Variants in KRTAP2-3 observed in about 807,000 individuals in gnomAD.
KRTAP2-3 encodes the protein keratin-associated protein 2-3.
A neutral mutation model predicts 11.2 loss-of-function variants in KRTAP2-3; 9 were observed. The observed-to-expected ratio is 0.80, with a 90% confidence interval of 0.48 to 1.40. KRTAP2-3 has a LOEUF of 1.40. Among genes scored for constraint, KRTAP2-3 ranks in the 40% most tolerant of loss-of-function variants. The probability of loss-of-function intolerance (pLI) is 0.00; values close to 1 mark genes in which losing one functional copy is unlikely to be tolerated. For synonymous variants in KRTAP2-3, 45 were observed against 76.2 expected, an observed-to-expected ratio of 0.59 and a Z score of 2.13; for missense variants, 93 against 176.8, an observed-to-expected ratio of 0.53 and a Z score of 2.69.
At position 41,059,698 on chromosome 17, in the gene KRTAP2-3, G is replaced by C; in HGVS notation, c.353C>G (p.Pro118Arg). The change falls in exon 1 of 1, where the codon CCT (proline) becomes CGT (arginine). Residue 118 changes from proline (P) to arginine (R), a missense_variant. Pro to Arg is a moderately radical substitution (Grantham distance 103). Transcript: ENST00000391418. The stretch of plus-strand genomic sequence containing the variant: ...GGAGGTCCTGCAGGTGGTGCTGCAA[G>C]GGGTCGGCTGGCCGCAGGGAGGCCG... ...CCRPPCGQPT[P>R]CSTTCRTSSC 6.4e-7 allele frequency: 1 copy of C among 1,558,208 alleles called. No individual in the cohort carries two copies. Among genetic ancestry groups the C allele is most frequent in the Non-Finnish European group, 8.7e-7 (1 of 1,150,644 alleles).
Position 41,059,865 on chromosome 17 carries a change from C to T in KRTAP2-3, c.186G>A (p.Val62=), listed in dbSNP as rs1337272854. ...CCTGCAGGGAGCAGGGGTCGCAGCA[C>T]ACCGGGCGGCGGCAGGGCTCGCAGA... ...RPICEPCRRP[V]CCDPCSLQEG... is the part of the protein sequence containing the mutation. Residue 62 remains valine, a synonymous_variant, in exon 1 of 1, where the codon GTG becomes GTA. Coordinates refer to ENST00000391418, the MANE Select transcript of KRTAP2-3 (RefSeq NM_001165252.2). 2.0e-6 allele frequency: 3 copies of T among 1,519,124 alleles called. No homozygotes were observed. The highest frequency in any genetic ancestry group is 4.0e-5 in the Admixed American group (2 of 50,138). The allele number at this position is 1,519,124 out of a possible 1,614,324, so 94.1% of individuals were successfully genotyped here.
At position 41,059,853 on chromosome 17, in the gene KRTAP2-3, G is replaced by A. The variant is rs2013148755; in HGVS notation, c.198C>T (p.Pro66=). 6.6e-7 allele frequency: 1 copy of A among 1,525,594 alleles called. No homozygotes were observed. The highest frequency in any genetic ancestry group is 8.8e-7 in the Non-Finnish European group (1 of 1,139,050). The allele number at this position is 1,525,594 out of a possible 1,614,324, so 94.5% of individuals were successfully genotyped here. ...GGCAGCAGCCTTCCTGCAGGGAGCA[G>A]GGGTCGCAGCACACCGGGCGGCGGC... ...EPCRRPVCCD[P]CSLQEGCCRP... The change falls in exon 1 of 1, where the codon CCC becomes CCT. Residue 66 remains proline, a synonymous_variant. Coordinates refer to ENST00000391418, the MANE Select transcript of KRTAP2-3 (RefSeq NM_001165252.2).
At position 41,060,011 on chromosome 17, in the gene KRTAP2-3, T is replaced by C; in HGVS notation, c.40A>G (p.Ser14Gly). The change falls in exon 1 of 1, where the codon AGC becomes GGC. Residue 14 changes from serine to glycine, a missense_variant. By Grantham distance (56) the Ser-to-Gly change is moderately conservative. Coordinates refer to ENST00000391418, the MANE Select transcript of KRTAP2-3 (RefSeq NM_001165252.2). ...SCCGSTLSSL[S>G]YGGGCCQPCC... ...GGCTGGCAGCAGCCTCCCCCGTAGC[T>C]CAGGGAGGACAAGGTGGAGCCGCAG... 7.2e-6 allele frequency: 11 copies of C among 1,533,194 alleles called. No homozygotes were observed. The highest frequency in any genetic ancestry group is 8.7e-6 in the Non-Finnish European group (10 of 1,144,044). 95.0% of individuals were successfully genotyped at this position (1,533,194 alleles called of 1,614,324 possible).
In KRTAP2-3 at chr17:41,060,041, A is replaced by G. The variant is rs1181657188; in HGVS notation, c.10T>C (p.Ser4Pro). 8 of 1,534,258 alleles carry G rather than the reference A, an allele frequency of 5.2e-6. No individual in the cohort carries two copies. Among genetic ancestry groups the G allele is most frequent in the Middle Eastern group, 2.3e-4 (1 of 4,352 alleles). ...GAGGACAAGGTGGAGCCGCAGCAGG[A>G]GCCGGTCATGGTGGTGTCTGAGGCT... MTG[S>P]CCGSTLSSLS... The change falls in exon 1 of 1, where the codon TCC becomes CCC. Residue 4 changes from serine (S) to proline (P), a missense_variant. Physicochemically the swap from Ser to Pro is moderately conservative, Grantham distance 74 (BLOSUM62 -1). Transcript: ENST00000391418.
chr17:41,059,490 T>G lies in KRTAP2-3; in HGVS notation c.*174A>C. The G allele has an allele frequency of 7.1e-6, 8 of 1,130,364 alleles. No homozygotes were observed. The highest frequency in any genetic ancestry group is 9.6e-6 in the Non-Finnish European group (8 of 829,346). 70.0% of individuals were successfully genotyped at this position (1,130,364 alleles called of 1,614,324 possible). A position where few individuals can be genotyped will look rare whatever the true frequency, so the allele number is the denominator to read the frequency against. ...TCAAGATTGTCAGAGAGGGCCAGGA[T>G]TAGCTGCATAATTATGTGGGGAAAT... is the stretch of plus-strand genomic sequence containing the variant. On this transcript the variant is annotated 3_prime_UTR_variant, in exon 1 of 1. Transcript: ENST00000391418.
Position 41,059,774 on chromosome 17 carries a change from A to C in KRTAP2-3, c.277T>G (p.Cys93Gly), listed in dbSNP as rs1567923833. 2 of 1,547,048 alleles carry C rather than the reference A, an allele frequency of 1.3e-6. No homozygotes were observed. The highest frequency in any genetic ancestry group is 3.9e-5 in the Admixed American group (2 of 50,880). The change falls in exon 1 of 1, where the codon TGC (cysteine) becomes GGC (glycine). Residue 93 changes from cysteine to glycine, a missense_variant. Cys to Gly is a radical substitution (Grantham distance 159). Coordinates refer to ENST00000391418, the MANE Select transcript of KRTAP2-3 (RefSeq NM_001165252.2). The stretch of plus-strand genomic sequence containing the variant: ...GGCTGGCAGCAGGTGGTGGCCCAGC[A>C]GCAGGGCCTGCACACCACAGCCGTG... ...SCTAVVCRPC[C>G]WATTCCQPVS... is the part of the protein sequence containing the mutation.
At position 41,059,848 on chromosome 17, in the gene KRTAP2-3, G is replaced by C; in HGVS notation, c.203C>G (p.Ser68Cys). 1 of 1,526,608 alleles carries C rather than the reference G, an allele frequency of 6.6e-7. No homozygotes were observed. Among genetic ancestry groups the C allele is most frequent in the Non-Finnish European group, 8.8e-7 (1 of 1,139,338 alleles). 94.6% of individuals were successfully genotyped at this position (1,526,608 alleles called of 1,614,324 possible). The change falls in exon 1 of 1, where the codon TCC becomes TGC. Residue 68 changes from serine (S) to cysteine (C), a missense_variant. Ser to Cys is a moderately radical substitution (Grantham distance 112). Coordinates refer to ENST00000391418, the MANE Select transcript of KRTAP2-3 (RefSeq NM_001165252.2). The part of the protein sequence containing the change: ...CRRPVCCDPC[S>C]LQEGCCRPIT... ...GGGGCGGCAGCAGCCTTCCTGCAGGGAGCAGGGGTCGCAGCACACCGGGCG... is the reference window on the plus strand; with the variant it reads ...GGGGCGGCAGCAGCCTTCCTGCAGGCAGCAGGGGTCGCAGCACACCGGGCG...
rs183923724 is a variant in KRTAP2-3, at chr17:41,059,659, G to A, written c.*5C>T. ...GTTTCGTGCGTTGAGAGGAGAGGTG[G>A]GGTCTCAGCAGGAGGAGGTCCTGCA... On this transcript the variant is annotated 3_prime_UTR_variant, in exon 1 of 1. Transcript: ENST00000391418. The A allele has an allele frequency of 6.4e-7, 1 of 1,553,144 alleles. No homozygotes were observed. Among genetic ancestry groups the A allele is most frequent in the Non-Finnish European group, 8.7e-7 (1 of 1,147,748 alleles).
At position 41,059,914 on chromosome 17, in the gene KRTAP2-3, C is replaced by A. The variant is rs909944156; in HGVS notation, c.137G>T (p.Cys46Phe). The A allele has an allele frequency of 8.5e-5, 128 of 1,505,434 alleles. 1 individual carries two copies. The highest frequency in any genetic ancestry group is 1.1e-4 in the Non-Finnish European group (127 of 1,130,428). 93.3% of individuals were successfully genotyped at this position (1,505,434 alleles called of 1,614,324 possible). A position where few individuals can be genotyped will look rare whatever the true frequency, so the allele number is the denominator to read the frequency against. ...CQTTVCRPVT[C>F]VPRCTRPICE... ...GATGGGGCGCGTGCAGCGGGGCACGCAGGTCACGGGGCGGCACACGGTGGT... is the reference window on the plus strand; with the variant it reads ...GATGGGGCGCGTGCAGCGGGGCACGAAGGTCACGGGGCGGCACACGGTGGT... Residue 46 changes from cysteine (C) to phenylalanine (F), a missense_variant, in exon 1 of 1, where the codon TGC becomes TTC. Coordinates refer to ENST00000391418, the MANE Select transcript of KRTAP2-3 (RefSeq NM_001165252.2).
In KRTAP2-3 at chr17:41,059,613, A is replaced by C; in HGVS notation, c.*51T>G. ...CAGAAGGGGTAGAAGAGTCTGCACA[A>C]GCTTCTGTGCACCTGGGAATGTTTC... On this transcript the variant is annotated 3_prime_UTR_variant, in exon 1 of 1. Transcript: ENST00000391418. 1 of 1,542,392 alleles carries C rather than the reference A, an allele frequency of 6.5e-7. No homozygotes were observed. The highest frequency in any genetic ancestry group is 8.8e-7 in the Non-Finnish European group (1 of 1,141,370).
rs1335167594 is a variant in KRTAP2-3 at position 41,059,618 on chromosome 17, C to T, written c.*46G>A. 2 of 1,544,930 alleles carry T rather than the reference C, an allele frequency of 1.3e-6. No individual in the cohort carries two copies. The highest frequency in any genetic ancestry group is 2.4e-5 in the East Asian group (1 of 40,822). On this transcript the variant is annotated 3_prime_UTR_variant, in exon 1 of 1. Transcript: ENST00000391418. ...GGGGTAGAAGAGTCTGCACAAGCTT[C>T]TGTGCACCTGGGAATGTTTCGTGCG...
rs1442430366 is a variant in KRTAP2-3 at position 41,059,838 on chromosome 17, T to C, written c.213A>G (p.Glu71=). ...AGCAGGTGATGGGGCGGCAGCAGCC[T>C]TCCTGCAGGGAGCAGGGGTCGCAGC... ...PVCCDPCSLQ[E]GCCRPITCCP... The change falls in exon 1 of 1, where the codon GAA becomes GAG. Residue 71 remains glutamate, a synonymous_variant. Coordinates refer to ENST00000391418, the MANE Select transcript of KRTAP2-3 (RefSeq NM_001165252.2). 1.3e-5 allele frequency: 20 copies of C among 1,531,076 alleles called. No homozygotes were observed. In the East Asian group the frequency reaches 4.7e-4, roughly 36 times the overall value. The allele number at this position is 1,531,076 out of a possible 1,614,324, so 94.8% of individuals were successfully genotyped here.
chr17:41,059,528 A>G lies in KRTAP2-3; in HGVS notation c.*136T>C. On this transcript the variant is annotated 3_prime_UTR_variant, in exon 1 of 1. Coordinates refer to ENST00000391418, the MANE Select transcript of KRTAP2-3 (RefSeq NM_001165252.2). ...TATGTGGGGAAATAGATAGGATGTT[A>G]TTGTTGAATTCGTGCTTGAGGATCA... is the stretch of plus-strand genomic sequence containing the variant. 7.4e-7 allele frequency: 1 copy of G among 1,356,972 alleles called. No homozygotes were observed. Among genetic ancestry groups the G allele is most frequent in the East Asian group, 2.6e-5 (1 of 39,012 alleles). 84.1% of individuals were successfully genotyped at this position (1,356,972 alleles called of 1,614,324 possible).
Position 41,059,627 on chromosome 17 carries a change from T to C in KRTAP2-3, c.*37A>G. On this transcript the variant is annotated 3_prime_UTR_variant, in exon 1 of 1. Transcript: ENST00000391418. ...GAGTCTGCACAAGCTTCTGTGCACC[T>C]GGGAATGTTTCGTGCGTTGAGAGGA... 6.5e-7 allele frequency: 1 copy of C among 1,547,540 alleles called. No individual in the cohort carries two copies. Among genetic ancestry groups the C allele is most frequent in the Non-Finnish European group, 8.7e-7 (1 of 1,144,402 alleles).
At position 41,059,572 on chromosome 17, in the gene KRTAP2-3, A is replaced by T; in HGVS notation, c.*92T>A. The T allele has an allele frequency of 6.1e-6, 9 of 1,481,878 alleles. No homozygotes were observed. The highest frequency in any genetic ancestry group is 7.2e-6 in the Non-Finnish European group (8 of 1,108,486). The allele number at this position is 1,481,878 out of a possible 1,614,324, so 91.8% of individuals were successfully genotyped here. On this transcript the variant is annotated 3_prime_UTR_variant, in exon 1 of 1. Coordinates refer to ENST00000391418, the MANE Select transcript of KRTAP2-3 (RefSeq NM_001165252.2). ...AGGATCAGCTAGGCTGCAAAGGTGG[A>T]GTCTCTCATCTGATCCAGAAGGGGT...
rs1376953918 is a variant in KRTAP2-3, at chr17:41,059,799, G to A, written c.252C>T (p.Cys84=). The change falls in exon 1 of 1, where the codon TGC becomes TGT. Residue 84 remains cysteine, a synonymous_variant. Transcript: ENST00000391418. Reference sequence around the variant, plus strand: ...AGCAGGGCCTGCACACCACAGCCGTGCACGACGAGGGGCAGCAGGTGATGG... The same window carrying A: ...AGCAGGGCCTGCACACCACAGCCGTACACGACGAGGGGCAGCAGGTGATGG... ...CRPITCCPSS[C]TAVVCRPCCW... The A allele has an allele frequency of 1.3e-6, 2 of 1,541,852 alleles. No individual in the cohort carries two copies. The highest frequency in any genetic ancestry group is 1.7e-6 in the Non-Finnish European group (2 of 1,145,318).
At position 41,059,500 on chromosome 17, in the gene KRTAP2-3, A is replaced by T; in HGVS notation, c.*164T>A. ...CAGAGAGGGCCAGGATTAGCTGCAT[A>T]ATTATGTGGGGAAATAGATAGGATG... On this transcript the variant is annotated 3_prime_UTR_variant, in exon 1 of 1. Coordinates refer to ENST00000391418, the MANE Select transcript of KRTAP2-3 (RefSeq NM_001165252.2). The T allele has an allele frequency of 8.1e-7, 1 of 1,229,658 alleles. No homozygotes were observed. The highest frequency in any genetic ancestry group is 1.1e-6 in the Non-Finnish European group (1 of 912,976). The allele number at this position is 1,229,658 out of a possible 1,614,324, so 76.2% of individuals were successfully genotyped here.
At position 41,059,858 on chromosome 17, in the gene KRTAP2-3, C is replaced by G; in HGVS notation, c.193G>C (p.Asp65His). Residue 65 changes from aspartate to histidine, a missense_variant, in exon 1 of 1, where the codon GAC becomes CAC. By Grantham distance (81) the Asp-to-His change is moderately conservative. Transcript: ENST00000391418. Reference protein sequence around the residue: ...CEPCRRPVCCDPCSLQEGCCR... With the variant: ...CEPCRRPVCCHPCSLQEGCCR... Reference sequence around the variant, plus strand: ...CAGCCTTCCTGCAGGGAGCAGGGGTCGCAGCACACCGGGCGGCGGCAGGGC... The same window carrying G: ...CAGCCTTCCTGCAGGGAGCAGGGGTGGCAGCACACCGGGCGGCGGCAGGGC... 1 of 1,521,880 alleles carries G rather than the reference C, an allele frequency of 6.6e-7. No homozygotes were observed. The highest frequency in any genetic ancestry group is 2.0e-5 in the Admixed American group (1 of 50,300). 94.3% of individuals were successfully genotyped at this position (1,521,880 alleles called of 1,614,324 possible).
rs188648795 is a variant in KRTAP2-3, at chr17:41,059,685, G to T, written c.366C>A (p.Thr122=). 1,488 of 1,557,398 alleles carry T rather than the reference G, an allele frequency of 9.6e-4. 15 individuals are homozygous for T. The highest frequency in any genetic ancestry group is 1.2e-3 in the Non-Finnish European group (1,420 of 1,149,984). ...GGTCTCAGCAGGAGGAGGTCCTGCA[G>T]GTGGTGCTGCAAGGGGTCGGCTGGC... ...PCGQPTPCST[T]CRTSSC Residue 122 remains threonine (T), a synonymous_variant, in exon 1 of 1, where the codon ACC becomes ACA. Coordinates refer to ENST00000391418, the MANE Select transcript of KRTAP2-3 (RefSeq NM_001165252.2).
Sources: gnomAD v4.1 joint callset for allele counts on GRCh38, gnomAD v4.1.1 for gene constraint, MANE v1.5 for transcripts, NCBI Gene and HGNC (gene_info 2026-07-23, HGNC 2026-07-21) for gene names.